Variants in NXPE2 observed in about 807,000 individuals in gnomAD.
The protein encoded by NXPE2 is NXPE family member 2.
A neutral mutation model predicts 34.4 loss-of-function variants in NXPE2; 34 were observed. The ratio of observed to expected loss-of-function variants is 0.99; its 90% CI spans 0.75 to 1.31. The LOEUF (loss-of-function observed/expected upper bound fraction) is 1.31, where lower values mean the gene tolerates loss of function less well. Among genes scored for constraint, NXPE2 ranks in the 40% most tolerant of loss-of-function variants. The pLI, the probability that NXPE2 is intolerant of heterozygous loss-of-function variation, is 0.00. For missense variants in NXPE2, 649 were observed against 672.5 expected (o/e 0.97, Z 0.39); for synonymous variants, 235 against 231.3 (o/e 1.02, Z -0.15).
chr11:114,517,866 T>A, the NXPE2 span: 1 of 152,278 alleles, frequency 6.6e-6, no homozygotes. Context: ...GCACCCCTGG[T>A]GGCTCTGCTC....
chr11:114,680,643 TC>T (rs138421434), intron 2 of NXPE2, among the ~76,000 whole-genome samples: 2,851 of 152,260 alleles, frequency 0.019, 87 homozygotes, highest in African/African-American at 0.065. Flanking sequence ...CTGGGAGCCT[TC>T]TGCCCAGAAT....
At chr11:114,567,475 C>T in the NXPE2 span, among the ~76,000 whole-genome samples, 26 of 152,138 alleles carry the variant, frequency 1.7e-4, no homozygotes, top group Middle Eastern at 3.4e-3. Flanking sequence ...TAAGGCTGAA[C>T]GGCAGCCTTG....
the NXPE2 span, among the ~76,000 whole-genome samples, chr11:114,745,305 G>A: frequency 6.6e-6 from 1 of 152,170 alleles, no homozygotes; most frequent in African/African-American, 2.4e-5. Context: ...TCCACTCAGG[G>A]TGGAAGGCAA....
Position 114,698,715 on chromosome 11 carries a change from A to G in NXPE2, c.803A>G (p.His268Arg). Reference protein sequence around the residue: ...PQHMPCEALTHMTTRTRNISY... With the variant: ...PQHMPCEALTRMTTRTRNISY... ...CATATGCCCTGTGAGGCCTTGACCCACATGACCACTAGGACAAGAAATATT... is the reference window on the plus strand; with the variant it reads ...CATATGCCCTGTGAGGCCTTGACCCGCATGACCACTAGGACAAGAAATATT... The change falls in exon 3 of 6, where the codon CAC becomes CGC. Residue 268 changes from histidine (H) to arginine (R), a missense_variant. Physicochemically the swap from His to Arg is conservative, Grantham distance 29. Coordinates refer to ENST00000389586, the MANE Select transcript of NXPE2 (RefSeq NM_182495.6). 1 of 1,613,014 alleles carries G rather than the reference A, an allele frequency of 6.2e-7. No individual in the cohort carries two copies. Among genetic ancestry groups the G allele is most frequent in the South Asian group, 1.1e-5 (1 of 90,886 alleles).
At chr11:114,725,474 G>C in the NXPE2 span, among the ~76,000 whole-genome samples, 3 of 151,706 alleles carry the variant, frequency 2.0e-5, no homozygotes, top group African/African-American at 7.3e-5. Context: ...AAAACCTATG[G>C]TCAATACCAG....
chr11:114,707,278 A>G (rs1951495064), downstream of NXPE2: 8 of 294,294 alleles, frequency 2.7e-5, no homozygotes, highest in South Asian at 2.2e-4. Context: ...TTTTTAGTAG[A>G]GATGGGGTTT....
the NXPE2 span, among the ~76,000 whole-genome samples, chr11:114,627,958 A>ATTTCTATTTAGGAT: frequency 4.6e-5 from 7 of 152,086 alleles, no homozygotes; most frequent in East Asian, 1.2e-3. Flanking sequence ...TCAACTCAAC[A>ATTTCTATTTAGGAT]AGAAGAGCTA....
the NXPE2 span, among the ~76,000 whole-genome samples, chr11:114,721,265 A>G: frequency 2.2e-4 from 32 of 146,406 alleles, no homozygotes; most frequent in East Asian, 6.4e-3. Context: ...TTTTGTAAAT[A>G]TTCAAATCAG....
the NXPE2 span, among the ~76,000 whole-genome samples, chr11:114,535,084 TG>T: frequency 6.6e-6 from 1 of 151,856 alleles, no homozygotes; most frequent in Non-Finnish European, 1.5e-5. Context: ...GCTGATCTCT[TG>T]CCAGAAACTC....
chr11:114,808,859 C>G, the NXPE2 span, among the ~76,000 whole-genome samples: 1 of 152,158 alleles, frequency 6.6e-6, no homozygotes, highest in Non-Finnish European at 1.5e-5. Context: ...CAGCAACATC[C>G]TGATACCAAA....
the NXPE2 span, among the ~76,000 whole-genome samples, chr11:114,792,070 AAAAG>A: frequency 1.6e-4 from 25 of 152,294 alleles, no homozygotes; most frequent in African/African-American, 2.2e-4. Flanking sequence ...AAAAAAGAAA[AAAAG>A]AAATAACTAA....
chr11:114,583,241 G>A, the NXPE2 span: 14 of 685,426 alleles, frequency 2.0e-5, no homozygotes, highest in Non-Finnish European at 2.5e-5. Context: ...AGAGGGACAG[G>A]AAGTGAGCAA....
chr11:114,626,364 G>A, the NXPE2 span, among the ~76,000 whole-genome samples: 1 of 152,204 alleles, frequency 6.6e-6, no homozygotes, highest in Non-Finnish European at 1.5e-5. Flanking sequence ...GTGGGTCCCT[G>A]ACCCCTGACC....
the NXPE2 span, among the ~76,000 whole-genome samples, chr11:114,535,576 G>A: frequency 6.6e-6 from 1 of 152,076 alleles, no homozygotes; most frequent in Non-Finnish European, 1.5e-5. Flanking sequence ...CAAAATAAAG[G>A]GATGGAGGAA....
chr11:114,726,596 G>A, the NXPE2 span, among the ~76,000 whole-genome samples: 1 of 151,984 alleles, frequency 6.6e-6, no homozygotes, highest in Non-Finnish European at 1.5e-5. Flanking sequence ...CAATGGACAG[G>A]CTGAGAATTT....
chr11:114,639,410 T>A, the NXPE2 span, among the ~76,000 whole-genome samples: 1 of 151,862 alleles, frequency 6.6e-6, no homozygotes, highest in South Asian at 2.1e-4. Flanking sequence ...CCCTGACCCC[T>A]TGCGCTTCCT....
At chr11:114,726,020 A>C in the NXPE2 span, among the ~76,000 whole-genome samples, 1 of 130,618 alleles carries the variant, frequency 7.7e-6, no homozygotes, top group Non-Finnish European at 1.7e-5. Context: ...CATAATAGTA[A>C]GAATCACAAT....
At chr11:114,758,358 C>T in the NXPE2 span, among the ~76,000 whole-genome samples, 1 of 152,210 alleles carries the variant, frequency 6.6e-6, no homozygotes, top group African/African-American at 2.4e-5. Flanking sequence ...TGCAACTCAG[C>T]TTCTCTTCAA....
chr11:114,698,590 T>C lies in NXPE2; in HGVS notation c.678T>C (p.Asn226=), dbSNP rs58086120. The change falls in exon 3 of 6, where the codon AAT becomes AAC. Residue 226 remains asparagine (N), a synonymous_variant. Coordinates refer to ENST00000389586, the MANE Select transcript of NXPE2 (RefSeq NM_182495.6). ...FTGLFANRSS[N]VFTECGLTLN... ...GCCTGTTTGCCAACAGAAGCTCCAA[T>C]GTCTTCACTGAATGTGGCCTGACCC... 4,179 of 1,614,164 alleles carry C rather than the reference T, an allele frequency of 2.6e-3. 86 individuals are homozygous for C. In the African/African-American group the frequency reaches 0.048, roughly 19 times the overall value.
Sources: gnomAD v4.1 joint callset for allele counts (sites outside exome capture counted in the v4.1 genomes callset) on GRCh38, gnomAD v4.1.1 for gene constraint, MANE v1.5 for transcripts, NCBI Gene and HGNC (gene_info 2026-07-23, HGNC 2026-07-21) for gene names.